The following PLXDC2 variants were observed in gnomAD, a reference collection of about 807,000 sequenced individuals.
The protein encoded by PLXDC2 is plexin domain-containing protein 2.
A neutral mutation model predicts 68.9 loss-of-function variants in PLXDC2; 40 were observed. The observed-to-expected ratio is 0.58, with a 90% CI of 0.45 to 0.76. The LOEUF is 0.76. PLXDC2 is among the 30% of genes least tolerant of loss of function. The pLI is 0.00. For synonymous variants in PLXDC2, 243 were observed against 234.2 expected, an observed-to-expected ratio of 1.04 and a Z score of -0.34; for missense variants, 644 against 661.9, an observed-to-expected ratio of 0.97 and a Z score of 0.30.
chr10:19,853,661 G>GT (rs1837162344), intron 1 of PLXDC2, among the ~76,000 whole-genome samples: 1 of 133,710 alleles, frequency 7.5e-6, no homozygotes, highest in South Asian at 2.8e-4. Flanking sequence ...GTGGGGGGGG[G>GT]GTTGCAATTT....
chr10:20,280,062 T>G lies in PLXDC2; in HGVS notation c.*243T>G. The G allele has an allele frequency of 2.3e-6, 1 of 433,614 alleles. No individual in the cohort carries two copies. Among genetic ancestry groups the G allele is most frequent in the Non-Finnish European group, 4.1e-6 (1 of 243,594 alleles). 26.9% of individuals were successfully genotyped at this position (433,614 alleles called of 1,614,324 possible). A position where few individuals can be genotyped will look rare whatever the true frequency, so the allele number is the denominator to read the frequency against. ...TTCCCTAGTGGAATGTCATCTATAG[T>G]TCACTCGGAACATCTCCCGTGGACT... is the stretch of plus-strand genomic sequence containing the variant. On this transcript the variant is annotated 3_prime_UTR_variant, in exon 14 of 14. Coordinates refer to ENST00000377252, the MANE Select transcript of PLXDC2 (RefSeq NM_032812.9).
At chr10:19,889,519 A>C (rs1053373781) in intron 1 of PLXDC2, among the ~76,000 whole-genome samples, 3 of 152,200 alleles carry the variant, frequency 2.0e-5, no homozygotes, top group African/African-American at 4.8e-5. Context: ...GGCACTCTTA[A>C]AGAGAAAACT....
chr10:19,920,178 G>A (rs1246172914), intron 1 of PLXDC2, among the ~76,000 whole-genome samples: 1 of 152,188 alleles, frequency 6.6e-6, no homozygotes, highest in Non-Finnish European at 1.5e-5. Context: ...ATACGGCAGT[G>A]CTGGGAAGGG....
intron 7 of PLXDC2, among the ~76,000 whole-genome samples, chr10:20,176,187 T>C (rs892944730): frequency 6.6e-6 from 1 of 152,174 alleles, no homozygotes; most frequent in African/African-American, 2.4e-5. Flanking sequence ...TCCTTAGATA[T>C]GATACTGTAT....
At chr10:20,125,364 T>G (rs1015349442) in intron 4 of PLXDC2, among the ~76,000 whole-genome samples, 1 of 152,160 alleles carries the variant, frequency 6.6e-6, no homozygotes, top group African/African-American at 2.4e-5. Flanking sequence ...CAAACACAAT[T>G]GGATGGTGTA....
intron 1 of PLXDC2, among the ~76,000 whole-genome samples, chr10:19,937,841 G>T (rs890710988): frequency 6.6e-6 from 1 of 151,998 alleles, no homozygotes; most frequent in Non-Finnish European, 1.5e-5. Context: ...AGAGAAGGAG[G>T]CAACGTCCAG....
At chr10:20,194,425 G>A (rs1193152426) in intron 9 of PLXDC2, among the ~76,000 whole-genome samples, 3 of 151,926 alleles carry the variant, frequency 2.0e-5, no homozygotes, top group East Asian at 1.9e-4. Context: ...AAAACATAAT[G>A]TTTTTTGGTC....
intron 2 of PLXDC2, among the ~76,000 whole-genome samples, chr10:20,008,739 T>G (rs1258638403): frequency 6.6e-6 from 1 of 152,126 alleles, no homozygotes; most frequent in Non-Finnish European, 1.5e-5. Flanking sequence ...CCATGTGTTG[T>G]GGGAGAGACC....
chr10:19,920,656 C>G (rs1185432187), intron 1 of PLXDC2, among the ~76,000 whole-genome samples: 2 of 152,334 alleles, frequency 1.3e-5, no homozygotes, highest in East Asian at 3.9e-4. Flanking sequence ...TACCTCCACT[C>G]AAACAATCCT....
chr10:20,117,052 A>T (rs200029856), intron 4 of PLXDC2, among the ~76,000 whole-genome samples: 80 of 34,184 alleles, frequency 2.3e-3, no homozygotes, highest in African/African-American at 3.2e-3. Flanking sequence ...CTTAAAAATG[A>T]AAAAAAAAAA....
At chr10:20,241,932 G>A (rs148108365) in intron 12 of PLXDC2, among the ~76,000 whole-genome samples, 1,855 of 152,172 alleles carry the variant, frequency 0.012, 18 homozygotes, top group Middle Eastern at 0.048. Context: ...CTGGATGGGT[G>A]GATAGATGGA....
chr10:19,866,146 A>G (rs1837411884), intron 1 of PLXDC2, among the ~76,000 whole-genome samples: 1 of 152,230 alleles, frequency 6.6e-6, no homozygotes, highest in African/African-American at 2.4e-5. Context: ...GGGAGGTGGA[A>G]CTGAATAGCA....
At chr10:20,129,759 T>G (rs1214898097) in intron 4 of PLXDC2, among the ~76,000 whole-genome samples, 1 of 152,116 alleles carries the variant, frequency 6.6e-6, no homozygotes, top group Non-Finnish European at 1.5e-5. Flanking sequence ...CATTATTTAT[T>G]AAAGAGACTA....
intron 1 of PLXDC2, among the ~76,000 whole-genome samples, chr10:19,840,358 T>C (rs1159266325): frequency 6.6e-6 from 1 of 152,164 alleles, no homozygotes; most frequent in Non-Finnish European, 1.5e-5. Context: ...CTTTCCTAGA[T>C]GGAGGATTTA....
At chr10:20,267,869 A>G (rs1216304416) in intron 13 of PLXDC2, among the ~76,000 whole-genome samples, 1 of 151,450 alleles carries the variant, frequency 6.6e-6, no homozygotes, top group African/African-American at 2.4e-5. Flanking sequence ...GAAGTGTTGC[A>G]AACAGGATTA....
chr10:20,052,639 G>A (rs1835922786), intron 3 of PLXDC2, among the ~76,000 whole-genome samples: 1 of 150,744 alleles, frequency 6.6e-6, no homozygotes, highest in Non-Finnish European at 1.5e-5. Context: ...AAGCTCCAAG[G>A]GGAAGAAGGG....
chr10:20,207,873 T>G (rs16920091), intron 9 of PLXDC2, among the ~76,000 whole-genome samples: 71,912 of 149,976 alleles, frequency 0.48, 17,207 homozygotes, highest in Middle Eastern at 0.56. Flanking sequence ...AATGAGAGAT[T>G]GTCTTCTGTG....
chr10:20,256,378 C>T (rs990027744), intron 13 of PLXDC2, among the ~76,000 whole-genome samples: 8 of 151,950 alleles, frequency 5.3e-5, no homozygotes, highest in East Asian at 1.9e-4. Context: ...AATGATCCAC[C>T]GGCCTCTGCC....
chr10:20,047,180 A>G (rs562498196), intron 3 of PLXDC2, among the ~76,000 whole-genome samples, 165 bp downstream of exon 3: 1 of 152,142 alleles, frequency 6.6e-6, no homozygotes, highest in Non-Finnish European at 1.5e-5. Flanking sequence ...TGTAATTTAG[A>G]TTGATTACTG....
Sources: allele counts gnomAD v4.1 joint callset (sites outside exome capture counted in the v4.1 genomes callset), GRCh38; gene constraint gnomAD v4.1.1; transcripts MANE v1.5; gene names NCBI Gene and HGNC (gene_info 2026-07-23, HGNC 2026-07-21).